Variants in RBFOX1 observed in about 807,000 individuals in gnomAD.
RBFOX1 encodes RNA binding protein fox-1 homolog 1.
In RBFOX1, 8 loss-of-function variants were observed where a neutral mutation model predicts 57.7. The ratio of observed to expected loss-of-function variants is 0.14; its 90% CI spans 0.08 to 0.25. The LOEUF is 0.25. RBFOX1 is among the 10% of genes least tolerant of loss of function. The pLI is 1.00. For missense variants in RBFOX1, 611 were observed against 548.5 expected (o/e 1.11, Z -1.14); for synonymous variants, 326 against 222.4 (o/e 1.47, Z -4.15).
intron 3 of RBFOX1, among the ~76,000 whole-genome samples, chr16:5,798,315 A>C (rs1028453455): frequency 1.3e-5 from 2 of 152,200 alleles, no homozygotes; most frequent in Non-Finnish European, 2.9e-5. Context: ...GATACAGCTG[A>C]TCTTCCAAGC....
intron 3 of RBFOX1, among the ~76,000 whole-genome samples, chr16:5,677,211 G>C (rs2050194425): frequency 6.6e-6 from 1 of 152,210 alleles, no homozygotes; most frequent in African/African-American, 2.4e-5. Context: ...AAAGACCAGA[G>C]ATACCAATTC....
At chr16:7,621,061 T>C (rs2059244380) in intron 10 of RBFOX1, among the ~76,000 whole-genome samples, 1 of 152,030 alleles carries the variant, frequency 6.6e-6, no homozygotes. Context: ...ACCCCCTAGA[T>C]AAGAATCTGC....
At chr16:6,927,557 CG>C (rs1437401569) in intron 3 of RBFOX1, among the ~76,000 whole-genome samples, 1 of 150,344 alleles carries the variant, frequency 6.7e-6, no homozygotes, top group African/African-American at 2.4e-5. Flanking sequence ...TTTTGTTTTT[CG>C]TTTTTGCATC....
At chr16:6,033,257 G>A (rs2095316013) in intron 1 of RBFOX1, among the ~76,000 whole-genome samples, 1 of 152,176 alleles carries the variant, frequency 6.6e-6, no homozygotes, top group Admixed American at 6.5e-5. Flanking sequence ...GTGCAAGAGA[G>A]GTAGGGTCGT....
At chr16:7,020,022 A>G (rs1288519859) in intron 3 of RBFOX1, among the ~76,000 whole-genome samples, 3 of 150,396 alleles carry the variant, frequency 2.0e-5, no homozygotes, top group Admixed American at 1.3e-4. Flanking sequence ...ACCCTCAGGA[A>G]GGCGTCTGTA....
At chr16:7,392,559 T>G in intron 4 of RBFOX1, among the ~76,000 whole-genome samples, 1 of 152,160 alleles carries the variant, frequency 6.6e-6, no homozygotes, top group African/African-American at 2.4e-5. Context: ...CATGTTCATA[T>G]TTATTTACCT....
chr16:7,198,819 G>C (rs1220277179), intron 4 of RBFOX1, among the ~76,000 whole-genome samples: 1 of 152,290 alleles, frequency 6.6e-6, no homozygotes, highest in South Asian at 2.1e-4. Flanking sequence ...TTAAATTTCT[G>C]ACACATGGAC....
At chr16:7,533,590 G>A (rs969752924) in intron 5 of RBFOX1, among the ~76,000 whole-genome samples, 1 of 152,182 alleles carries the variant, frequency 6.6e-6, no homozygotes, top group Non-Finnish European at 1.5e-5. Context: ...ACACTTGTAT[G>A]AGCCTACAGA....
chr16:7,308,856 A>G (rs2096250870), intron 4 of RBFOX1, among the ~76,000 whole-genome samples: 1 of 152,204 alleles, frequency 6.6e-6, no homozygotes, highest in Non-Finnish European at 1.5e-5. Context: ...AACAATTATG[A>G]CTGTGTAGAA....
intron 4 of RBFOX1, among the ~76,000 whole-genome samples, chr16:7,173,042 T>G (rs551239391): frequency 6.6e-6 from 1 of 152,108 alleles, no homozygotes; most frequent in Non-Finnish European, 1.5e-5. Context: ...CTGGTAGAAA[T>G]AAGATATTAG....
chr16:7,253,191 A>G (rs958120705), intron 4 of RBFOX1, among the ~76,000 whole-genome samples: 4 of 152,232 alleles, frequency 2.6e-5, no homozygotes, highest in African/African-American at 2.4e-5. Context: ...TGGAAGAAGC[A>G]GAGACCAAGA....
intron 4 of RBFOX1, among the ~76,000 whole-genome samples, chr16:7,504,969 C>T (rs370135577): frequency 3.4e-4 from 51 of 149,572 alleles, no homozygotes; most frequent in African/African-American, 1.1e-3. Context: ...CTTTCCAGCG[C>T]GAAATGCTTC....
At chr16:6,855,843 C>T (rs1156281602) in intron 3 of RBFOX1, among the ~76,000 whole-genome samples, 1 of 150,564 alleles carries the variant, frequency 6.6e-6, no homozygotes, top group South Asian at 2.1e-4. Context: ...CCTTCCCTCC[C>T]TCTTTCCCTC....
intron 2 of RBFOX1, among the ~76,000 whole-genome samples, chr16:6,341,343 T>C (rs1302958130): frequency 1.3e-5 from 2 of 152,242 alleles, no homozygotes; most frequent in South Asian, 2.1e-4. Context: ...TGATACTGAC[T>C]CTTCTTTTAC....
intron 2 of RBFOX1, among the ~76,000 whole-genome samples, chr16:6,650,082 T>C (rs966426585): frequency 1.3e-5 from 2 of 152,180 alleles, no homozygotes; most frequent in Non-Finnish European, 2.9e-5. Context: ...TGAGTGAATA[T>C]GCAGTAGTCG....
At position 7,362,379 on chromosome 16, in the gene RBFOX1, G is replaced by T. The variant is rs192451799; in HGVS notation, c.28-155768G>T. ...TGTGTGTATGCTAGTGTGTGTGTAT[G>T]TGTTAATGTGTGTGTGATTGTGTGT... On this transcript the variant is annotated intron_variant, in intron 4 of 15. Coordinates refer to ENST00000550418, the MANE Select transcript of RBFOX1 (RefSeq NM_018723.4). 1.3e-3 allele frequency among the ~76,000 whole-genome samples: 192 copies of T among 151,724 alleles called. 1 individual carries two copies. The highest frequency in any genetic ancestry group is 4.3e-3 in the African/African-American group (177 of 41,342).
chr16:5,753,461 C>T (rs2053285395), intron 3 of RBFOX1, among the ~76,000 whole-genome samples: 1 of 152,164 alleles, frequency 6.6e-6, no homozygotes, highest in South Asian at 2.1e-4. Context: ...AACTCCGTTT[C>T]CATATGGTAG....
chr16:7,452,908 C>T (rs574517772), intron 4 of RBFOX1, among the ~76,000 whole-genome samples: 27 of 152,134 alleles, frequency 1.8e-4, no homozygotes, highest in African/African-American at 5.5e-4. Flanking sequence ...GTGGGTGGAT[C>T]ACTTGAGGCC....
intron 4 of RBFOX1, among the ~76,000 whole-genome samples, chr16:7,063,291 T>G (rs1467640699): frequency 6.6e-6 from 1 of 152,020 alleles, no homozygotes; most frequent in South Asian, 2.1e-4. Flanking sequence ...AGGAGTAAGA[T>G]ATTCCCCCCA....
Sources: gnomAD v4.1 joint callset for allele counts (sites outside exome capture counted in the v4.1 genomes callset) on GRCh38, gnomAD v4.1.1 for gene constraint, MANE v1.5 for transcripts, NCBI Gene and HGNC (gene_info 2026-07-23, HGNC 2026-07-21) for gene names.